The following MELTF variants were observed in gnomAD, a reference collection of about 807,000 sequenced individuals.
The protein encoded by MELTF is antigen p97 (melanoma associated) identified by monoclonal antibodies 133.2 and 96.5.
In MELTF, 67 loss-of-function variants were observed where a neutral mutation model predicts 83.7. The observed-to-expected ratio is 0.80, with a 90% confidence interval of 0.66 to 0.98. MELTF has a LOEUF of 0.98. Among genes scored for constraint, MELTF ranks in the 50% least tolerant of loss-of-function variants. The pLI is 0.00. For synonymous variants in MELTF, 462 were observed against 447.6 expected (o/e 1.03, Z -0.41); for missense variants, 1,002 against 1,035.6 (o/e 0.97, Z 0.44).
chr3:197,021,281 C>T lies in MELTF; in HGVS notation c.712+123G>A, dbSNP rs1394241346. 3.5e-6 allele frequency: 3 copies of T among 848,706 alleles called. 1 individual carries two copies. Among genetic ancestry groups the T allele is most frequent in the Admixed American group, 4.6e-5 (2 of 43,172 alleles). 52.6% of individuals were successfully genotyped at this position (848,706 alleles called of 1,614,324 possible). A position where few individuals can be genotyped will look rare whatever the true frequency, so the allele number is the denominator to read the frequency against. On this transcript the variant is annotated intron_variant, in intron 6 of 15. Transcript: ENST00000296350. ...ACTGTGGGACTTGTCCAAGGTCACC[C>T]AGAGACTCAGAGCAGCACTGCACTA...
At position 197,009,109 on chromosome 3, in the gene MELTF, G is replaced by C. The variant is rs988289195; in HGVS notation, c.1526-144C>G. Reference sequence around the variant, plus strand: ...TGTCTGCTCCGCTCCCCTCAGCTCTGAGTGGAGTGTCTCCTGGAGGATCTC... The same window carrying C: ...TGTCTGCTCCGCTCCCCTCAGCTCTCAGTGGAGTGTCTCCTGGAGGATCTC... On this transcript the variant is annotated intron_variant, in intron 11 of 15. Coordinates refer to ENST00000296350, the MANE Select transcript of MELTF (RefSeq NM_005929.6). 7.6e-6 allele frequency: 7 copies of C among 920,494 alleles called. No homozygotes were observed. The Admixed American group carries it at 1.7e-4, about 23-fold the overall frequency. 57.0% of individuals were successfully genotyped at this position (920,494 alleles called of 1,614,324 possible).
chr3:197,021,406 T>A lies in MELTF; in HGVS notation c.710A>T (p.Asp237Val), dbSNP rs904583639. 5 of 1,613,998 alleles carry A rather than the reference T, an allele frequency of 3.1e-6. No individual in the cohort carries two copies. The highest frequency in any genetic ancestry group is 4.2e-6 in the Non-Finnish European group (5 of 1,179,952). Residue 237 changes from aspartate to valine, a missense_variant and splice_region_variant, in exon 6 of 16, where the codon GAT becomes GTT. Coordinates refer to ENST00000296350, the MANE Select transcript of MELTF (RefSeq NM_005929.6). Reference protein sequence around the residue: ...VKHSTVLENTDGKTLPSWGQA... With the variant: ...VKHSTVLENTVGKTLPSWGQA... ...GCCCGTGCCCCTCCCCCACTCACCA[T>A]CCGTGTTCTCCAGTACCGTGCTGTG...
rs1426570832 is a variant in MELTF, at chr3:197,011,463, G to A, written c.1234-669C>T. Among the ~76,000 whole-genome samples, 1 of 152,204 alleles carries A rather than the reference G, an allele frequency of 6.6e-6. No individual in the cohort carries two copies. The highest frequency in any genetic ancestry group is 1.5e-5 in the Non-Finnish European group (1 of 68,032). ...TAACTGGTAACAGAGCCATAGTAGT[G>A]TGATTAACCTCAAGGGAAGGGGATG... On this transcript the variant is annotated intron_variant, in intron 9 of 15. Transcript: ENST00000296350. The surrounding 1 kb of genome is among the most constrained non-coding windows in gnomAD (Gnocchi z 4.2).
rs765847917 is a variant in MELTF at position 197,009,611 on chromosome 3, G to A, written c.1525+7C>T. 1 of 1,597,316 alleles carries A rather than the reference G, an allele frequency of 6.3e-7. No individual in the cohort carries two copies. Among genetic ancestry groups the A allele is most frequent in the South Asian group, 1.1e-5 (1 of 90,786 alleles). ...CCCAGTCTGCGTTCCTAAAAAGGGG[G>A]GGGTACCTGTGAGGACGTCACAGTC... On this transcript the variant is annotated splice_region_variant and intron_variant, in intron 11 of 15. Transcript: ENST00000296350.
At position 197,029,583 on chromosome 3, in the gene MELTF, G is replaced by T; in HGVS notation, c.49+71C>A. On this transcript the variant is annotated intron_variant, in intron 1 of 15. Transcript: ENST00000296350. The surrounding 1 kb of genome is among the most constrained non-coding windows in gnomAD (Gnocchi z 6.5). Reference sequence around the variant, plus strand: ...CAGGCTCAGGCACATTTCCAGCCCCGGGACCTGCTCAGCCGGGCCGCGGCG... The same window carrying T: ...CAGGCTCAGGCACATTTCCAGCCCCTGGACCTGCTCAGCCGGGCCGCGGCG... 8.4e-7 allele frequency: 1 copy of T among 1,185,690 alleles called. No homozygotes were observed. The highest frequency in any genetic ancestry group is 3.9e-5 in the South Asian group (1 of 25,366). The allele number at this position is 1,185,690 out of a possible 1,614,324, so 73.4% of individuals were successfully genotyped here. A position where few individuals can be genotyped will look rare whatever the true frequency, so the allele number is the denominator to read the frequency against.
chr3:197,026,675 C>T lies in MELTF; in HGVS notation c.289G>A (p.Glu97Lys), dbSNP rs1318341033. The T allele has an allele frequency of 5.0e-6, 8 of 1,613,248 alleles. No individual in the cohort carries two copies. Among genetic ancestry groups the T allele is most frequent in the South Asian group, 4.4e-5 (4 of 91,092 alleles). Residue 97 changes from glutamate to lysine, a missense_variant, in exon 3 of 16, where the codon GAA becomes AAA. Physicochemically the swap from Glu to Lys is moderately conservative, Grantham distance 56. Transcript: ENST00000296350. ...KEHGLKPVVGEVYDQEVGTSY... is the reference protein window; with the variant it reads ...KEHGLKPVVGKVYDQEVGTSY... ...ACCCTCTTACCTTGATCGTACACTTCGCCCACCACCGGCTTCAGGCCGTGC... is the reference window on the plus strand; with the variant it reads ...ACCCTCTTACCTTGATCGTACACTTTGCCCACCACCGGCTTCAGGCCGTGC...
rs771209289 is a variant in MELTF, at chr3:197,008,840, C to T, written c.1651G>A (p.Glu551Lys). ...GCGCCGCGGTAGCCGTAATACCGCT[C>T]CTGGCTGTTGCCCACACACTTGTTG... ...GRNKCVGNSQ[E>K]RYYGYRGAFR... is the part of the protein sequence containing the mutation. The change falls in exon 12 of 16, where the codon GAG (glutamate) becomes AAG (lysine). Residue 551 changes from glutamate to lysine, a missense_variant. By Grantham distance (56) the Glu-to-Lys change is moderately conservative. Transcript: ENST00000296350. The surrounding 1 kb of genome is among the most constrained non-coding windows in gnomAD (Gnocchi z 5.4). 4 of 1,614,186 alleles carry T rather than the reference C, an allele frequency of 2.5e-6. No individual in the cohort carries two copies. The highest frequency in any genetic ancestry group is 3.4e-6 in the Non-Finnish European group (4 of 1,180,018).
At chr3:197,021,352 C>A in intron 6 of MELTF, 52 bp downstream of exon 6, 1 of 1,586,868 alleles carries the variant, frequency 6.3e-7, no homozygotes, top group Admixed American at 1.7e-5. Flanking sequence ...TGCCCCAAGC[C>A]GGCCTGGCCT....
In MELTF at chr3:197,006,665, G is replaced by A. The variant is rs1417384723; in HGVS notation, c.1822C>T (p.Arg608Ter). 2 of 1,596,516 alleles carry A rather than the reference G, an allele frequency of 1.3e-6. No homozygotes were observed. The highest frequency in any genetic ancestry group is 1.7e-6 in the Non-Finnish European group (2 of 1,171,334). Residue 608 changes from arginine (R) to a stop codon, truncating the protein, a stop_gained, in exon 14 of 16, where the codon CGA becomes TGA. Transcript: ENST00000296350. LOFTEE classifies it high-confidence loss of function. This position sits in a 1 kb window ranked among gnomAD's most constrained non-coding sequence, Gnocchi z 5.4. ...GCTGCAAACTGGGACACCTCGGCTCGGGCCCCGTTGGGGCACAGCAGTTCA... is the reference window on the plus strand; with the variant it reads ...GCTGCAAACTGGGACACCTCGGCTCAGGCCCCGTTGGGGCACAGCAGTTCA... ...DYELLCPNGA[R>*]AEVSQFAACN...
Position 197,026,693 on chromosome 3 carries a change from GGCC to G in MELTF, c.268_270del (p.Gly90del). On this transcript the variant is annotated inframe_deletion, in exon 3 of 16. Transcript: ENST00000296350. ...TACACTTCGCCCACCACCGGCTTCA[GGCC>G]GTGCTCCTTTCCCGCCTCATAGATG... The G allele has an allele frequency of 6.2e-7, 1 of 1,613,520 alleles. No homozygotes were observed. Among genetic ancestry groups the G allele is most frequent in the Non-Finnish European group, 8.5e-7 (1 of 1,180,016 alleles).
rs1719426333 is a variant in MELTF at position 197,017,381 on chromosome 3, C to T, written c.713-91G>A. ...CCAGGAGAGGGAATCTGAGGGGTGGCTGGGTGTCATGGACATGAGAACCCA... is the reference window on the plus strand; with the variant it reads ...CCAGGAGAGGGAATCTGAGGGGTGGTTGGGTGTCATGGACATGAGAACCCA... On this transcript the variant is annotated intron_variant, in intron 6 of 15. Transcript: ENST00000296350. 5.6e-6 allele frequency: 7 copies of T among 1,240,620 alleles called. No individual in the cohort carries two copies. The South Asian group carries it at 9.5e-5, about 17-fold the overall frequency. The allele number at this position is 1,240,620 out of a possible 1,614,324, so 76.9% of individuals were successfully genotyped here.
At position 197,026,771 on chromosome 3, in the gene MELTF, T is replaced by C. The variant is rs763817017; in HGVS notation, c.205-12A>G. The C allele has an allele frequency of 2.5e-6, 4 of 1,609,620 alleles. No individual in the cohort carries two copies. Among genetic ancestry groups the C allele is most frequent in the Non-Finnish European group, 2.5e-6 (3 of 1,179,270 alleles). ...TCAGCCTCCTGGGCCTGCAAGGAAA[T>C]GTGGCTCAGCCAAGCCTGGCCCAGC... is the stretch of plus-strand genomic sequence containing the variant. On this transcript the variant is annotated splice_polypyrimidine_tract_variant and intron_variant, in intron 2 of 15. Transcript: ENST00000296350.
rs1460797205 is a variant in MELTF at position 197,009,754 on chromosome 3, G to A, written c.1389C>T (p.His463=). ...VVAVVRRDSS[H]AFTLDELRGK... ...CCCGAAGCTCATCCAAGGTGAAGGC[G>A]TGGGAGCTGTCCCGTCTCACCACGG... Residue 463 remains histidine (H), a synonymous_variant, in exon 11 of 16, where the codon CAC becomes CAT. Transcript: ENST00000296350. 12 of 1,613,414 alleles carry A rather than the reference G, an allele frequency of 7.4e-6. No homozygotes were observed. Among genetic ancestry groups the A allele is most frequent in the South Asian group, 3.3e-5 (3 of 91,090 alleles).
chr3:197,021,718 G>A (rs1719630716), intron 5 of MELTF, among the ~76,000 whole-genome samples: 1 of 152,214 alleles, frequency 6.6e-6, no homozygotes, highest in Non-Finnish European at 1.5e-5. Flanking sequence ...CTCTGAGGAT[G>A]AGAGGCTCCT....
intron 8 of MELTF, 119 bp from the exon 9 acceptor site, chr3:197,015,635 AT>A: frequency 8.6e-7 from 1 of 1,164,656 alleles, no homozygotes; most frequent in South Asian, 1.6e-5. Flanking sequence ...GGGATAAGTT[AT>A]TTAACCATCG....
intron 1 of MELTF, chr3:197,028,174 G>T: frequency 2.2e-6 from 1 of 446,720 alleles, no homozygotes; most frequent in Non-Finnish European, 4.1e-6. Flanking sequence ...GGAATGGGAG[G>T]GTCTACAGGT....
At chr3:197,017,730 A>G (rs2148586244) in intron 6 of MELTF, among the ~76,000 whole-genome samples, 1 of 151,936 alleles carries the variant, frequency 6.6e-6, no homozygotes, top group East Asian at 1.9e-4. Context: ...ACAAAAAATT[A>G]GCTGGGCGTG....
At position 197,024,479 on chromosome 3, in the gene MELTF, C is replaced by A; in HGVS notation, c.311G>T (p.Gly104Val). The A allele has an allele frequency of 6.3e-7, 1 of 1,579,050 alleles. No homozygotes were observed. The highest frequency in any genetic ancestry group is 2.3e-5 in the East Asian group (1 of 44,106). ...VVGEVYDQEV[G>V]TSYYAVAVVR... ...CACAGCCACGGCGTAATAGGAGGTA[C>A]CGACCTCTAGGAGGGGAGGGGAGTG... The change falls in exon 4 of 16, where the codon GGT (glycine) becomes GTT (valine). Residue 104 changes from glycine to valine, a missense_variant. Coordinates refer to ENST00000296350, the MANE Select transcript of MELTF (RefSeq NM_005929.6). The surrounding 1 kb of genome is among the most constrained non-coding windows in gnomAD (Gnocchi z 5.3).
At position 197,003,823 on chromosome 3, in the gene MELTF, G is replaced by A. The variant is rs113908132; in HGVS notation, c.2137+78C>T. 4.7e-4 allele frequency: 693 copies of A among 1,468,448 alleles called. 1 individual carries two copies. In the African/African-American group the frequency reaches 8.2e-3, roughly 17 times the overall value. 91.0% of individuals were successfully genotyped at this position (1,468,448 alleles called of 1,614,324 possible). A position where few individuals can be genotyped will look rare whatever the true frequency, so the allele number is the denominator to read the frequency against. ...CCACCCGCCTCCCCGGACCCGCAGC[G>A]CCCCCCGCTCCCTCAGGGTTCTGGG... On this transcript the variant is annotated intron_variant, in intron 15 of 15. Coordinates refer to ENST00000296350, the MANE Select transcript of MELTF (RefSeq NM_005929.6). This position sits in a 1 kb window ranked among gnomAD's most constrained non-coding sequence, Gnocchi z 6.2.
Sources: allele counts gnomAD v4.1 joint callset (sites outside exome capture counted in the v4.1 genomes callset), GRCh38; gene constraint gnomAD v4.1.1; non-coding constraint Gnocchi (gnomAD v3.1); transcripts MANE v1.5; gene names NCBI Gene and HGNC (gene_info 2026-07-23, HGNC 2026-07-21).